The following HS3ST4 variants were observed in gnomAD, a reference collection of about 807,000 sequenced individuals.
HS3ST4 encodes heparan sulfate-glucosamine 3-sulfotransferase 4, also known as heparan sulfate glucosamine 3-O-sulfotransferase 4.
Under a neutral mutation model 29.2 loss-of-function variants are expected in HS3ST4, and 17 were observed. The ratio of observed to expected loss-of-function variants is 0.58; its 90% CI spans 0.40 to 0.87. The LOEUF (loss-of-function observed/expected upper bound fraction) is 0.87. HS3ST4 is among the 40% of genes least tolerant of loss of function. HS3ST4 has a pLI of 0.00. For missense variants in HS3ST4, 627 were observed against 634.5 expected (o/e 0.99, Z 0.13); for synonymous variants, 314 against 285.7 (o/e 1.10, Z -1.00).
chr16:25,790,099 C>T (rs974886401), intron 1 of HS3ST4, among the ~76,000 whole-genome samples: 18 of 152,140 alleles, frequency 1.2e-4, no homozygotes, highest in African/African-American at 4.1e-4. Context: ...ATTCCTTGGT[C>T]ATAATGTGTA....
chr16:25,899,651 G>A (rs1055484492), intron 1 of HS3ST4, among the ~76,000 whole-genome samples: 7 of 151,196 alleles, frequency 4.6e-5, no homozygotes, highest in African/African-American at 7.3e-5. Context: ...GATTACAGGC[G>A]CATGCCACCA....
At position 26,028,272 on chromosome 16, in the gene HS3ST4, CAA is replaced by C. The variant is rs57920476; in HGVS notation, c.735-107318_735-107317del. 7.8e-4 allele frequency among the ~76,000 whole-genome samples: 38 copies of C among 48,618 alleles called. 1 individual carries two copies. Among genetic ancestry groups the C allele is most frequent in the Admixed American group, 1.4e-3 (6 of 4,344 alleles). The allele number at this position is 48,618 out of a possible 152,430, so 31.9% of individuals were successfully genotyped here. On this transcript the variant is annotated intron_variant, in intron 1 of 1. Coordinates refer to ENST00000331351, the MANE Select transcript of HS3ST4 (RefSeq NM_006040.3). ...TGGGTGACAGAGTGAGACACCGTCT[CAA>C]AAAAAAAAAAAAAAAAAAAAAGAAT...
intron 1 of HS3ST4, among the ~76,000 whole-genome samples, chr16:26,036,835 A>G (rs1261772076): frequency 6.6e-6 from 1 of 152,232 alleles, no homozygotes; most frequent in Non-Finnish European, 1.5e-5. Context: ...AGCCTTAAAA[A>G]GAATGCATTG....
Position 25,903,302 on chromosome 16 carries a change from G to GTATATGTATATATTATATACA in HS3ST4, c.734+210154_734+210155insATGTATATATTATATACATAT, listed in dbSNP as rs1555471412. 4.0e-3 allele frequency among the ~76,000 whole-genome samples: 419 copies of GTATATGTATATATTATATACA among 103,484 alleles called. 3 individuals are homozygous for GTATATGTATATATTATATACA. Among genetic ancestry groups the GTATATGTATATATTATATACA allele is most frequent in the African/African-American group, 8.7e-3 (228 of 26,314 alleles). The allele number at this position is 103,484 out of a possible 152,430, so 67.9% of individuals were successfully genotyped here. ...TGTGTGTGTGTGTGTGTGTGTGTGT[G>GTATATGTATATATTATATACA]TATGTATATGTATATATTATATATA... On this transcript the variant is annotated intron_variant, in intron 1 of 1. Coordinates refer to ENST00000331351, the MANE Select transcript of HS3ST4 (RefSeq NM_006040.3).
intron 1 of HS3ST4, among the ~76,000 whole-genome samples, chr16:25,964,750 T>C (rs1383093635): frequency 4.6e-5 from 7 of 152,210 alleles, no homozygotes; most frequent in Non-Finnish European, 8.8e-5. Context: ...GAAGTAAACA[T>C]TTCCTCATCA....
intron 1 of HS3ST4, among the ~76,000 whole-genome samples, chr16:25,801,384 T>C (rs1321958933): frequency 1.3e-5 from 2 of 152,216 alleles, no homozygotes; most frequent in African/African-American, 4.8e-5. Flanking sequence ...CAAAACATTC[T>C]TGCTCCTGTA....
intron 1 of HS3ST4, among the ~76,000 whole-genome samples, chr16:26,058,554 C>T (rs1596666361): frequency 6.6e-6 from 1 of 152,154 alleles, no homozygotes; most frequent in African/African-American, 2.4e-5. Flanking sequence ...ATGGATTGTG[C>T]TCTCTCCTGC....
intron 1 of HS3ST4, among the ~76,000 whole-genome samples, chr16:26,045,080 G>A (rs1363529203): frequency 6.6e-6 from 1 of 152,110 alleles, no homozygotes; most frequent in Non-Finnish European, 1.5e-5. Context: ...TAAAGGCTGT[G>A]GGTGCAGCAC....
rs1329014610 is a variant in HS3ST4 at position 25,828,291 on chromosome 16, TCTTTCTTTCC to T, written c.734+135143_734+135152del. Among the ~76,000 whole-genome samples, 44 of 89,502 alleles carry T rather than the reference TCTTTCTTTCC, an allele frequency of 4.9e-4. 2 individuals are homozygous for T. The highest frequency in any genetic ancestry group is 8.2e-4 in the Non-Finnish European group (38 of 46,112). 58.7% of individuals were successfully genotyped at this position (89,502 alleles called of 152,430 possible). ...TTCTTTCTTTCTTTCTTTCTTTCTT[TCTTTCTTTCC>T]CTCTCTCTCTCTCTCTCTCTCTCTC... On this transcript the variant is annotated intron_variant, in intron 1 of 1. Transcript: ENST00000331351.
intron 1 of HS3ST4, among the ~76,000 whole-genome samples, chr16:25,981,564 G>A (rs987312261): frequency 1.3e-5 from 2 of 150,392 alleles, no homozygotes; most frequent in Admixed American, 6.6e-5. Flanking sequence ...ATCACACCTG[G>A]AACAGTATAC....
chr16:26,029,495 C>T (rs1969512656), intron 1 of HS3ST4, among the ~76,000 whole-genome samples: 1 of 152,144 alleles, frequency 6.6e-6, no homozygotes, highest in Non-Finnish European at 1.5e-5. Flanking sequence ...TCACTGCAAC[C>T]TCCGATTCCT....
chr16:26,010,366 A>G (rs899034137), intron 1 of HS3ST4, among the ~76,000 whole-genome samples: 4 of 152,086 alleles, frequency 2.6e-5, no homozygotes, highest in Non-Finnish European at 4.4e-5. Context: ...AGGTAGGAGA[A>G]TGGCTTGAAC....
At chr16:26,072,586 A>G (rs1010226156) in intron 1 of HS3ST4, among the ~76,000 whole-genome samples, 4 of 152,228 alleles carry the variant, frequency 2.6e-5, no homozygotes, top group Non-Finnish European at 5.9e-5. Flanking sequence ...TTTGCACCCA[A>G]GACAACTCTT....
intron 1 of HS3ST4, among the ~76,000 whole-genome samples, chr16:25,772,374 T>A (rs1330811165): frequency 2.0e-5 from 3 of 152,220 alleles, no homozygotes; most frequent in Non-Finnish European, 4.4e-5. Context: ...ATGGTTATGT[T>A]TTGGAGTCAA....
intron 1 of HS3ST4, among the ~76,000 whole-genome samples, chr16:25,850,975 A>G (rs1967514931): frequency 6.6e-6 from 1 of 152,218 alleles, no homozygotes; most frequent in Non-Finnish European, 1.5e-5. Context: ...CCTTTTACCC[A>G]GTAATTTCCT....
At chr16:25,952,228 C>T (rs7202248) in intron 1 of HS3ST4, among the ~76,000 whole-genome samples, 23,719 of 152,120 alleles carry the variant, frequency 0.16, 3,376 homozygotes, top group African/African-American at 0.38. Flanking sequence ...GTTTTCCAGG[C>T]TTGGTCCAAG....
Position 25,878,865 on chromosome 16 carries a change from A to G in HS3ST4, c.734+185714A>G, listed in dbSNP as rs558443388. Among the ~76,000 whole-genome samples, 3 of 152,258 alleles carry G rather than the reference A, an allele frequency of 2.0e-5. No individual in the cohort carries two copies. In the South Asian group the frequency reaches 6.2e-4, roughly 32 times the overall value. On this transcript the variant is annotated intron_variant, in intron 1 of 1. Coordinates refer to ENST00000331351, the MANE Select transcript of HS3ST4 (RefSeq NM_006040.3). ...ACCAGATATCGGGCCAAGGGCTGAG[A>G]TTTCCCTCTCTTTTGGTTAAAGTGG... is the stretch of plus-strand genomic sequence containing the variant.
At chr16:25,765,802 G>A (rs970058944) in intron 1 of HS3ST4, among the ~76,000 whole-genome samples, 2 of 152,068 alleles carry the variant, frequency 1.3e-5, no homozygotes, top group African/African-American at 2.4e-5. Context: ...GGTGCCCCAT[G>A]TAGTCCAAGC....
At chr16:26,092,081 G>A (rs1217528847) in intron 1 of HS3ST4, among the ~76,000 whole-genome samples, 1 of 152,024 alleles carries the variant, frequency 6.6e-6, no homozygotes, top group Non-Finnish European at 1.5e-5. Context: ...CCCCACGGTG[G>A]GAGGCAACCT....
Sources: gnomAD v4.1 joint callset for allele counts (sites outside exome capture counted in the v4.1 genomes callset) on GRCh38, gnomAD v4.1.1 for gene constraint, MANE v1.5 for transcripts, NCBI Gene and HGNC (gene_info 2026-07-23, HGNC 2026-07-21) for gene names.